Variants in COL1A2 observed in about 807,000 individuals in gnomAD.
COL1A2 encodes the protein collagen type I alpha 2 chain.
Under a neutral mutation model 174.3 loss-of-function variants are expected in COL1A2, and 49 were observed. The ratio of observed to expected loss-of-function variants is 0.28; its 90% CI spans 0.22 to 0.36. The LOEUF (loss-of-function observed/expected upper bound fraction) is 0.36. COL1A2 is among the 10% of genes least tolerant of loss of function. The probability of loss-of-function intolerance (pLI) is 1.00; values close to 1 mark genes in which losing one functional copy is unlikely to be tolerated. For missense variants in COL1A2, 1,438 were observed against 1,822.7 expected, an observed-to-expected ratio of 0.79 and a Z score of 3.84; for synonymous variants, 655 against 606.6, an observed-to-expected ratio of 1.08 and a Z score of -1.17.
chr7:94,420,317 T>C (rs767112023), intron 35 of COL1A2, 31 bp downstream of exon 35: 1 of 1,614,116 alleles, frequency 6.2e-7, no homozygotes, highest in East Asian at 2.2e-5. Context: ...TTTTGTATAC[T>C]CACACCTCAC....
Position 94,412,627 on chromosome 7 carries a change from C to A in COL1A2, c.1448C>A (p.Ala483Asp), listed in dbSNP as rs414408. ...IDGRPGPIGP[A>D]GARGEPGNIG... ...GGCAGGCCTGGCCCAATTGGCCCAG[C>A]TGGAGCAAGAGGAGAGCCTGGCAAC... Residue 483 changes from alanine to aspartate, a missense_variant, in exon 25 of 52, where the codon GCT becomes GAT. Physicochemically the swap from Ala to Asp is moderately radical, Grantham distance 126 (BLOSUM62 -2). This residue lies in a region of COL1A2 where 867 missense variants were observed against 1,213.7 expected (regional missense o/e 0.71). Transcript: ENST00000297268. 9 of 1,614,008 alleles carry A rather than the reference C, an allele frequency of 5.6e-6. No individual in the cohort carries two copies. The African/African-American group carries it at 1.1e-4, about 19-fold the overall frequency.
Position 94,401,617 on chromosome 7 carries a change from A to G in COL1A2, c.276A>G (p.Pro92=). 6.3e-7 allele frequency: 1 copy of G among 1,589,570 alleles called. No homozygotes were observed. Among genetic ancestry groups the G allele is most frequent in the Admixed American group, 1.7e-5 (1 of 59,354 alleles). Residue 92 remains proline, a synonymous_variant, in exon 6 of 52, where the codon CCA becomes CCG. Transcript: ENST00000297268. ...AAGGAGTTGGACTTGGCCCTGGACC[A>G]ATGGTATGCTTATCTGTTTATCTTA... ...DGKGVGLGPG[P]MGLMGPRGPP...
chr7:94,419,417 G>T, intron 33 of COL1A2, 81 bp from the exon 34 acceptor site: 1 of 1,491,960 alleles, frequency 6.7e-7, no homozygotes, highest in Non-Finnish European at 9.3e-7. Flanking sequence ...CACTGTATAA[G>T]CACAGAAAAA....
rs374455376 is a variant in COL1A2, at chr7:94,422,929, G to A, written c.2404-28G>A. 3.1e-6 allele frequency: 5 copies of A among 1,613,858 alleles called. No homozygotes were observed. In the African/African-American group the frequency reaches 5.3e-5, roughly 17 times the overall value. ...CCAGGCCCTTGGTGATTAACAGAAA[G>A]GAAATGACCTTGTACATTTGCTCAT... On this transcript the variant is annotated intron_variant, in intron 39 of 51. Transcript: ENST00000297268.
rs758247671 is a variant in COL1A2, at chr7:94,414,205, T to C, written c.1666-17T>C. Reference sequence around the variant, plus strand: ...CGTAGCCATGGGATTGAGATTTGTATTTCTTTTCATTTTTAGGGTCTGCCT... The same window carrying C: ...CGTAGCCATGGGATTGAGATTTGTACTTCTTTTCATTTTTAGGGTCTGCCT... On this transcript the variant is annotated splice_polypyrimidine_tract_variant and intron_variant, in intron 28 of 51. Transcript: ENST00000297268. 5 of 1,613,816 alleles carry C rather than the reference T, an allele frequency of 3.1e-6. No individual in the cohort carries two copies. Among genetic ancestry groups the C allele is most frequent in the East Asian group, 2.2e-5 (1 of 44,856 alleles).
rs72659342 is a variant in COL1A2 at position 94,428,350 on chromosome 7, G to A, written c.3584G>A (p.Cys1195Tyr). 1 of 1,614,026 alleles carries A rather than the reference G, an allele frequency of 6.2e-7. No individual in the cohort carries two copies. The highest frequency in any genetic ancestry group is 8.5e-7 in the Non-Finnish European group (1 of 1,179,936). The part of the protein sequence containing the change: ...GCTMDAIKVY[C>Y]DFSTGETCIR... ...ACTATGGATGCTATCAAAGTATACT[G>A]TGATTTCTCTACTGGCGAAACCTGT... The change falls in exon 50 of 52, where the codon TGT becomes TAT. Residue 1195 changes from cysteine (C) to tyrosine (Y), a missense_variant. Cys to Tyr is a radical substitution (Grantham distance 194, BLOSUM62 -2). Around this residue, in one of 3 missense-constraint regions of COL1A2, gnomAD observed 290 missense variants for 298.1 expected, o/e 0.97. Transcript: ENST00000297268.
chr7:94,411,916 T>C (rs1791936469), intron 23 of COL1A2, 152 bp from the exon 24 acceptor site: 1 of 673,262 alleles, frequency 1.5e-6, no homozygotes, highest in Non-Finnish European at 2.6e-6. Flanking sequence ...CTTTTCACAC[T>C]TCCCAGCTAG....
At position 94,425,651 on chromosome 7, in the gene COL1A2, A is replaced by G. The variant is rs1187487060; in HGVS notation, c.2823A>G (p.Gln941=). 1 of 1,614,028 alleles carries G rather than the reference A, an allele frequency of 6.2e-7. No homozygotes were observed. Among genetic ancestry groups the G allele is most frequent in the East Asian group, 2.2e-5 (1 of 44,886 alleles). ...GNDGPPGRDG[Q]PGHKGERGYP... ...ATGGTCCCCCAGGTCGCGATGGTCA[A>G]CCCGGACACAAGGTCAGTACACTTT... Residue 941 remains glutamine, a synonymous_variant, in exon 43 of 52, where the codon CAA becomes CAG. Coordinates refer to ENST00000297268, the MANE Select transcript of COL1A2 (RefSeq NM_000089.4).
chr7:94,420,972 G>T (rs776114616), intron 37 of COL1A2, 37 bp from the exon 38 acceptor site: 5 of 1,602,906 alleles, frequency 3.1e-6, no homozygotes, highest in African/African-American at 1.3e-5. Flanking sequence ...ACAAGGGTTT[G>T]TTTGTGATTT....
Position 94,421,055 on chromosome 7 carries a change from G to C in COL1A2, c.2342G>C (p.Gly781Ala). 6.2e-7 allele frequency: 1 copy of C among 1,614,056 alleles called. No individual in the cohort carries two copies. Among genetic ancestry groups the C allele is most frequent in the Non-Finnish European group, 8.5e-7 (1 of 1,180,002 alleles). The change falls in exon 38 of 52, where the codon GGC becomes GCC. Residue 781 changes from glycine (G) to alanine (A), a missense_variant. Physicochemically the swap from Gly to Ala is moderately conservative, Grantham distance 60. This residue lies in a region of COL1A2 where 867 missense variants were observed against 1,213.7 expected (regional missense o/e 0.71). Transcript: ENST00000297268. ...CCTGCTGGAAGTCGTGGTGATGGAG[G>C]CCCCCCTGTGAGTATTTACAATGGA... ...PGPAGSRGDG[G>A]PPGMTGFPGA...
At chr7:94,412,806 G>T in intron 25 of COL1A2, 124 bp downstream of exon 25, 1 of 857,690 alleles carries the variant, frequency 1.2e-6, no homozygotes, top group East Asian at 2.6e-5. Context: ...CAGGAAAACT[G>T]CAGGCCACTT....
intron 28 of COL1A2, 109 bp from the exon 29 acceptor site, chr7:94,414,113 C>A: frequency 7.6e-7 from 1 of 1,323,606 alleles, no homozygotes; most frequent in Non-Finnish European, 1.1e-6. Context: ...TAATAACATA[C>A]AATCGTGCTC....
chr7:94,395,178 AC>A lies in COL1A2; in HGVS notation c.70+79del, dbSNP rs569498293. On this transcript the variant is annotated intron_variant, in intron 1 of 51. Coordinates refer to ENST00000297268, the MANE Select transcript of COL1A2 (RefSeq NM_000089.4). ...AGGGCACCCTGCCCTGAAAAGGAAAACCTGTAACCTGAATTCCAGGTACACT... is the reference window on the plus strand; with the variant it reads ...AGGGCACCCTGCCCTGAAAAGGAAAACTGTAACCTGAATTCCAGGTACACT... The A allele has an allele frequency of 4.0e-3, 4,781 of 1,192,742 alleles. 20 individuals are homozygous for A. Among genetic ancestry groups the A allele is most frequent in the Non-Finnish European group, 4.9e-3 (3,917 of 795,640 alleles). 73.9% of individuals were successfully genotyped at this position (1,192,742 alleles called of 1,614,324 possible).
intron 51 of COL1A2, 149 bp from the exon 52 acceptor site, chr7:94,430,098 G>C (rs1001236221): frequency 1.3e-6 from 1 of 791,506 alleles, no homozygotes; most frequent in Non-Finnish European, 2.1e-6. Flanking sequence ...CCTTGATACT[G>C]TTATTTCAAG....
Position 94,400,207 on chromosome 7 carries a change from C to T in COL1A2, c.144C>T (p.Gly48=). The change falls in exon 5 of 52, where the codon GGC becomes GGT. Residue 48 remains glycine (G), a synonymous_variant. Transcript: ENST00000297268. ...RGPRGERGPP[G]PPGRDGEDGP... is the part of the protein sequence containing the mutation. Reference sequence around the variant, plus strand: ...TTTTTACATAACAGGGTCCACCAGGCCCCCCAGGCAGAGATGGTGAAGATG... The same window carrying T: ...TTTTTACATAACAGGGTCCACCAGGTCCCCCAGGCAGAGATGGTGAAGATG... The T allele has an allele frequency of 6.2e-7, 1 of 1,613,390 alleles. No individual in the cohort carries two copies. Among genetic ancestry groups the T allele is most frequent in the South Asian group, 1.1e-5 (1 of 91,050 alleles).
chr7:94,408,397 G>A lies in COL1A2; in HGVS notation c.738+17G>A. ...GGTCCTGCTGTAAGTTTTGACACTG[G>A]GGAGTTTGAAAGGAGTTGAGAATGT... is the stretch of plus-strand genomic sequence containing the variant. On this transcript the variant is annotated intron_variant, in intron 15 of 51. Transcript: ENST00000297268. 1 of 1,614,016 alleles carries A rather than the reference G, an allele frequency of 6.2e-7. No homozygotes were observed.
intron 47 of COL1A2, 50 bp downstream of exon 47, chr7:94,427,111 C>G: frequency 1.9e-6 from 3 of 1,607,344 alleles, no homozygotes; most frequent in Non-Finnish European, 2.6e-6. Flanking sequence ...GAGGCTAAAG[C>G]GAGCAGTGAG....
Position 94,427,750 on chromosome 7 carries a change from A to G in COL1A2, c.3391A>G (p.Lys1131Glu). Residue 1131 changes from lysine (K) to glutamate (E), a missense_variant, in exon 49 of 52, where the codon AAG (lysine) becomes GAG (glutamate). By Grantham distance (56) the Lys-to-Glu change is moderately conservative. Around this residue, in one of 3 missense-constraint regions of COL1A2, gnomAD observed 290 missense variants for 298.1 expected, o/e 0.97. Coordinates refer to ENST00000297268, the MANE Select transcript of COL1A2 (RefSeq NM_000089.4). ...QPRSAPSLRP[K>E]DYEVDATLKS... ...TCGCTCAGCACCTTCTCTCAGACCCAAGGACTATGAAGTTGATGCTACTCT... is the reference window on the plus strand; with the variant it reads ...TCGCTCAGCACCTTCTCTCAGACCCGAGGACTATGAAGTTGATGCTACTCT... 1 of 1,614,108 alleles carries G rather than the reference A, an allele frequency of 6.2e-7. No individual in the cohort carries two copies. The highest frequency in any genetic ancestry group is 1.1e-5 in the South Asian group (1 of 91,088).
chr7:94,421,496 C>G (rs1643514750), intron 38 of COL1A2: 3 of 361,526 alleles, frequency 8.3e-6, no homozygotes, highest in Non-Finnish European at 1.5e-5. Flanking sequence ...ATTCTTTTGT[C>G]CATGAACACC....
Sources: gnomAD v4.1 joint callset for allele counts on GRCh38, gnomAD v4.1.1 for gene constraint, gnomAD v4.1.1 regional missense constraint, MANE v1.5 for transcripts, NCBI Gene and HGNC (gene_info 2026-07-23, HGNC 2026-07-21) for gene names.